PCDHGA1: variants seen among roughly 807,000 people sequenced by gnomAD.
PCDHGA1 encodes protocadherin gamma-A1.
A neutral mutation model predicts 58.0 loss-of-function variants in PCDHGA1; 32 were observed. The observed-to-expected ratio is 0.55, with a 90% confidence interval of 0.42 to 0.74. PCDHGA1 has a LOEUF of 0.74. PCDHGA1 is among the 30% of genes least tolerant of loss of function. The pLI is 0.00. For synonymous variants in PCDHGA1, 498 were observed against 501.1 expected, an observed-to-expected ratio of 0.99 and a Z score of 0.08; for missense variants, 1,205 against 1,182.3, an observed-to-expected ratio of 1.02 and a Z score of -0.28.
intron 1 of PCDHGA1, chr5:141,419,306 C>A: frequency 1.9e-6 from 3 of 1,614,032 alleles, no homozygotes; most frequent in Non-Finnish European, 2.5e-6. Context: ...AGACTTCGGG[C>A]TCAACGGCCG....
intron 1 of PCDHGA1, chr5:141,405,379 G>T: frequency 1.2e-6 from 2 of 1,606,832 alleles, no homozygotes; most frequent in Non-Finnish European, 1.7e-6. Flanking sequence ...TGGTTCCGGT[G>T]AGTTCATTTT....
rs375228847 is a variant in PCDHGA1, at chr5:141,431,219, C to G, written c.2422-63588C>G. ...TGCAGCCACTGAGATGCGGTTCCCTCTACCCCACGCCTGGGATCCGGATAT... is the reference window on the plus strand; with the variant it reads ...TGCAGCCACTGAGATGCGGTTCCCTGTACCCCACGCCTGGGATCCGGATAT... On this transcript the variant is annotated intron_variant, in intron 1 of 3. Coordinates refer to ENST00000517417, the MANE Select transcript of PCDHGA1 (RefSeq NM_018912.3). This position sits in a 1 kb window ranked among gnomAD's most constrained non-coding sequence, Gnocchi z 4.8. 2.5e-6 allele frequency: 4 copies of G among 1,614,180 alleles called. No individual in the cohort carries two copies. The highest frequency in any genetic ancestry group is 1.6e-4 in the Middle Eastern group (1 of 6,062).
intron 1 of PCDHGA1, chr5:141,389,727 T>C (rs1176419914): frequency 4.3e-6 from 7 of 1,612,724 alleles, no homozygotes; most frequent in Non-Finnish European, 5.9e-6. Context: ...GCCCGGGCTC[T>C]TCAGCCTGGG....
chr5:141,388,785 G>T, intron 1 of PCDHGA1: 1 of 1,613,868 alleles, frequency 6.2e-7, no homozygotes, highest in South Asian at 1.1e-5. Context: ...GGAAATTACT[G>T]TTTTAAATAC....
chr5:141,370,315 G>C, intron 1 of PCDHGA1: 1 of 1,276,896 alleles, frequency 7.8e-7, no homozygotes, highest in South Asian at 1.6e-5. Context: ...GCAAATAGTT[G>C]GTCCTGCTCG....
Position 141,431,547 on chromosome 5 carries a change from T to C in PCDHGA1, c.2422-63260T>C. On this transcript the variant is annotated intron_variant, in intron 1 of 3. Transcript: ENST00000517417. The surrounding 1 kb of genome is among the most constrained non-coding windows in gnomAD (Gnocchi z 4.8). ...CTGGCCTTGGGCACGCAGCTGCTTG[T>C]AGTCAACGCTACCGACCCTGACGAA... The C allele has an allele frequency of 1.2e-6, 2 of 1,614,096 alleles. No homozygotes were observed. The highest frequency in any genetic ancestry group is 2.2e-5 in the East Asian group (1 of 44,882).
chr5:141,431,228 G>C lies in PCDHGA1; in HGVS notation c.2422-63579G>C, dbSNP rs772199359. The stretch of plus-strand genomic sequence containing the variant: ...TGAGATGCGGTTCCCTCTACCCCAC[G>C]CCTGGGATCCGGATATCGGGAAGAA... On this transcript the variant is annotated intron_variant, in intron 1 of 3. Coordinates refer to ENST00000517417, the MANE Select transcript of PCDHGA1 (RefSeq NM_018912.3). The surrounding 1 kb of genome is among the most constrained non-coding windows in gnomAD (Gnocchi z 4.8). The C allele has an allele frequency of 1.9e-6, 3 of 1,614,000 alleles. No individual in the cohort carries two copies. The African/African-American group carries it at 4.0e-5, about 22-fold the overall frequency.
intron 1 of PCDHGA1, chr5:141,389,160 G>T (rs759399243): frequency 1.2e-6 from 2 of 1,613,996 alleles, no homozygotes; most frequent in Admixed American, 3.3e-5. Flanking sequence ...AACAGATCGG[G>T]GCAAGCCTCC....
chr5:141,398,813 G>A (rs779872602), intron 1 of PCDHGA1: 11 of 1,613,838 alleles, frequency 6.8e-6, no homozygotes, highest in Admixed American at 3.3e-5. Flanking sequence ...ACTGAGCTCC[G>A]GATCCAGGTA....
chr5:141,365,279 A>T (rs1222527527), intron 1 of PCDHGA1: 1 of 1,613,978 alleles, frequency 6.2e-7, no homozygotes, highest in Non-Finnish European at 8.5e-7. Flanking sequence ...ATTCTACCTC[A>T]TGGAAGTGGT....
chr5:141,463,208 C>G (rs895284460), intron 1 of PCDHGA1, among the ~76,000 whole-genome samples: 1 of 152,090 alleles, frequency 6.6e-6, no homozygotes, highest in African/African-American at 2.4e-5. Flanking sequence ...CTTGGGGATC[C>G]ATATTAATAT....
At chr5:141,420,747 A>T (rs2096522944) in intron 1 of PCDHGA1, among the ~76,000 whole-genome samples, 1 of 152,220 alleles carries the variant, frequency 6.6e-6, no homozygotes, top group South Asian at 2.1e-4. Flanking sequence ...ATTGGAACCA[A>T]CTACAACCTA....
In PCDHGA1 at chr5:141,495,640, G is replaced by A. The variant is rs149177775; in HGVS notation, c.2480+775G>A. 1.2e-3 allele frequency among the ~76,000 whole-genome samples: 177 copies of A among 152,150 alleles called. 1 individual carries two copies. The highest frequency in any genetic ancestry group is 4.1e-3 in the African/African-American group (171 of 41,498). ...ACCTCAGCCTCAGTCCCTTTCATTT[G>A]TCTACTTGCATTGATCTGTGCCGCC... On this transcript the variant is annotated intron_variant, in intron 2 of 3. Transcript: ENST00000517417.
At chr5:141,415,656 T>C (rs1211470385) in intron 1 of PCDHGA1, 9 of 1,585,542 alleles carry the variant, frequency 5.7e-6, no homozygotes, top group African/African-American at 1.4e-5. Flanking sequence ...AAAAAAAGAT[T>C]GGTTTTTACT....
chr5:141,388,458 C>T, intron 1 of PCDHGA1: 1 of 1,613,696 alleles, frequency 6.2e-7, no homozygotes, highest in Non-Finnish European at 8.5e-7. Context: ...CAGTAAATAC[C>T]CTGAGATGGT....
At chr5:141,419,443 C>A in intron 1 of PCDHGA1, 1 of 1,613,080 alleles carries the variant, frequency 6.2e-7, no homozygotes, top group Non-Finnish European at 8.5e-7. Context: ...TGCGCACCTT[C>A]GAGCTCACGC....
At chr5:141,339,519 G>A (rs747173386) in intron 1 of PCDHGA1, 1 of 1,614,164 alleles carries the variant, frequency 6.2e-7, no homozygotes, top group Non-Finnish European at 8.5e-7. Flanking sequence ...CTGGACGTGC[G>A]AAGGGGAGCT....
intron 1 of PCDHGA1, chr5:141,339,738 T>C: frequency 1.2e-6 from 2 of 1,614,112 alleles, no homozygotes; most frequent in Non-Finnish European, 1.7e-6. Flanking sequence ...GAGAATACGC[T>C]CGTGGGCACC....
At chr5:141,368,971 T>G (rs1220013260) in intron 1 of PCDHGA1, among the ~76,000 whole-genome samples, 3 of 152,208 alleles carry the variant, frequency 2.0e-5, no homozygotes, top group Non-Finnish European at 4.4e-5. Context: ...GCTATAATGC[T>G]TTTCCACTAT....
Sources: gnomAD v4.1 joint callset for allele counts (sites outside exome capture counted in the v4.1 genomes callset) on GRCh38, gnomAD v4.1.1 for gene constraint, Gnocchi (gnomAD v3.1) non-coding constraint, MANE v1.5 for transcripts, NCBI Gene and HGNC (gene_info 2026-07-23, HGNC 2026-07-21) for gene names.